The following CEP72 variants were observed in gnomAD, a reference collection of about 807,000 sequenced individuals.
CEP72 encodes centrosomal protein 72.
In CEP72, 78 loss-of-function variants were observed where a neutral mutation model predicts 65.7. The observed-to-expected ratio is 1.19, with a 90% CI of 0.99 to 1.43. The LOEUF is 1.43. Among genes scored for constraint, CEP72 ranks in the 40% most tolerant of loss-of-function variants. The pLI is 0.00. For synonymous variants in CEP72, 358 were observed against 351.7 expected (o/e 1.02, Z -0.20); for missense variants, 914 against 832.9 (o/e 1.10, Z -1.20).
intron 9 of CEP72, chr5:644,047 G>A (rs4082909): frequency 0.06 from 25,853 of 433,034 alleles, 2,053 homozygotes; most frequent in African/African-American, 0.26. Flanking sequence ...CAGGAGTGGG[G>A]CTCTCACAGG....
chr5:669,474 C>T (rs1468714968), downstream of CEP72, among the ~76,000 whole-genome samples: 2 of 152,142 alleles, frequency 1.3e-5, no homozygotes, highest in Admixed American at 6.5e-5. Context: ...GGTGTTGACT[C>T]TCTGGGGCCC....
intron 9 of CEP72, chr5:641,621 G>T (rs1417633724): frequency 2.0e-6 from 2 of 981,118 alleles, no homozygotes; most frequent in Admixed American, 6.3e-5. Context: ...TCATCTGGAA[G>T]CCTCTGTATT....
Position 653,188 on chromosome 5 carries a change from C to T in CEP72, c.*35C>T, listed in dbSNP as rs772846219. On this transcript the variant is annotated 3_prime_UTR_variant, in exon 12 of 12. Coordinates refer to ENST00000264935, the MANE Select transcript of CEP72 (RefSeq NM_018140.4). The stretch of plus-strand genomic sequence containing the variant: ...AGAAGCTGGGCCACCCCTTAAGCTT[C>T]CTGGTAAAGTTACATTGTCTGCACC... 5.2e-6 allele frequency: 8 copies of T among 1,548,126 alleles called. No homozygotes were observed. Among genetic ancestry groups the T allele is most frequent in the East Asian group, 2.3e-5 (1 of 43,974 alleles).
intron 9 of CEP72, chr5:641,029 A>G (rs1191738683): frequency 7.1e-6 from 7 of 985,338 alleles, no homozygotes; most frequent in Non-Finnish European, 8.4e-6. Context: ...TTACCCCAAA[A>G]CCAGCAGCTG....
the CEP72 span, among the ~76,000 whole-genome samples, chr5:672,684 C>T: frequency 1.3e-5 from 2 of 152,212 alleles, no homozygotes; most frequent in Admixed American, 1.3e-4. Flanking sequence ...CTCGAGGAGG[C>T]GCTGGGAGAT....
chr5:649,357 G>GGACTGTGAGGCGT (rs1738745812), intron 11 of CEP72, among the ~76,000 whole-genome samples: 1 of 45,702 alleles, frequency 2.2e-5, no homozygotes, highest in Non-Finnish European at 4.6e-5. Flanking sequence ...TGTGAGGCGT[G>GGACTGTGAGGCGT]GACTGTGAGG....
rs1738340081 is a variant in CEP72 at position 645,291 on chromosome 5, G to A, written c.1666+866G>A. ...CAGCGTCTCCTTGGATCTTTCGCCC[G>A]TTGGTTTTTATTGGGTTGTTTTATC... On this transcript the variant is annotated intron_variant, in intron 10 of 11. Coordinates refer to ENST00000264935, the MANE Select transcript of CEP72 (RefSeq NM_018140.4). This position sits in a 1 kb window ranked among gnomAD's most constrained non-coding sequence, Gnocchi z 4.0. Among the ~76,000 whole-genome samples the A allele has an allele frequency of 2.0e-5, 3 of 152,196 alleles. No individual in the cohort carries two copies. Among genetic ancestry groups the A allele is most frequent in the Middle Eastern group, 3.4e-3 (1 of 294 alleles).
At chr5:637,343 G>C (rs1015964504) in intron 6 of CEP72, among the ~76,000 whole-genome samples, 174 bp from the exon 7 acceptor site, 2 of 152,318 alleles carry the variant, frequency 1.3e-5, no homozygotes. Flanking sequence ...CCTTTGTGCA[G>C]GTGTATGGAT....
the CEP72 span, among the ~76,000 whole-genome samples, chr5:675,197 A>G: frequency 9.8e-5 from 4 of 40,952 alleles, no homozygotes; most frequent in Non-Finnish European, 1.3e-4. Flanking sequence ...CGGTGTGGCC[A>G]GGGGTTCAGT....
At chr5:667,966 G>C (rs60172188), downstream of CEP72, among the ~76,000 whole-genome samples, 7 of 31,530 alleles carry the variant, frequency 2.2e-4, 1 homozygote, top group African/African-American at 1.7e-3. Context: ...AGGGAAGTGC[G>C]GACAAGCACA....
intron 5 of CEP72, among the ~76,000 whole-genome samples, chr5:634,320 G>A (rs147221480): frequency 3.7e-4 from 56 of 152,286 alleles, no homozygotes; most frequent in African/African-American, 1.3e-3. Flanking sequence ...AGCTCAGGCC[G>A]CCACGTGCAG....
At chr5:659,205 G>A (rs1486181222), downstream of CEP72, among the ~76,000 whole-genome samples, 1 of 152,256 alleles carries the variant, frequency 6.6e-6, no homozygotes, top group Non-Finnish European at 1.5e-5. Context: ...CCTGGAGCGC[G>A]AGGCGCGCGT....
Position 620,096 on chromosome 5 carries a change from A to C in CEP72, c.238A>C (p.Ser80Arg). The C allele has an allele frequency of 6.2e-7, 1 of 1,611,730 alleles. No homozygotes were observed. The highest frequency in any genetic ancestry group is 8.5e-7 in the Non-Finnish European group (1 of 1,177,906). The change falls in exon 3 of 12, where the codon AGT becomes CGT. Residue 80 changes from serine to arginine, a missense_variant. Ser to Arg is a moderately radical substitution (Grantham distance 110). Coordinates refer to ENST00000264935, the MANE Select transcript of CEP72 (RefSeq NM_018140.4). ...CATTCAGTACCTGACTGCATTGGAG[A>C]GTCTCAATCTCTACTACAACTGCAT... ...EGIQYLTALE[S>R]LNLYYNCISS...
chr5:664,800 G>C, intron 2 of CEP72: 1 of 349,386 alleles, frequency 2.9e-6, no homozygotes, highest in Non-Finnish European at 5.3e-6. Context: ...ACGCCCCTTT[G>C]ACCTGCAAAC....
At chr5:633,632 A>G in intron 4 of CEP72, 137 bp from the exon 5 acceptor site, 4 of 772,110 alleles carry the variant, frequency 5.2e-6, no homozygotes, top group Non-Finnish European at 6.5e-6. Flanking sequence ...AGTGGAAGCA[A>G]CAGGACCCGG....
chr5:644,334 A>G lies in CEP72; in HGVS notation c.1575A>G (p.Glu525=). The G allele has an allele frequency of 6.2e-7, 1 of 1,613,938 alleles. No individual in the cohort carries two copies. The highest frequency in any genetic ancestry group is 1.3e-5 in the African/African-American group (1 of 75,070). ...GACAACATTTAGATAAATCTTTGGAAGAGAACAGTAGGTTAAAATCGCTTT... is the reference window on the plus strand; with the variant it reads ...GACAACATTTAGATAAATCTTTGGAGGAGAACAGTAGGTTAAAATCGCTTT... The part of the protein sequence containing the change: ...DLRQHLDKSL[E]ENSRLKSLLL... The change falls in exon 10 of 12, where the codon GAA becomes GAG. Residue 525 remains glutamate (E), a synonymous_variant. Transcript: ENST00000264935.
At chr5:628,292 A>G (rs1736884810) in intron 4 of CEP72, among the ~76,000 whole-genome samples, 1 of 152,232 alleles carries the variant, frequency 6.6e-6, no homozygotes, top group Admixed American at 6.5e-5. Context: ...ACGTGGGTCA[A>G]TGTCCATACC....
In CEP72 at chr5:633,652, G is replaced by C. The variant is rs911821403; in HGVS notation, c.513-117G>C. The C allele has an allele frequency of 3.1e-6, 3 of 981,506 alleles. No individual in the cohort carries two copies. In the African/African-American group the frequency reaches 4.8e-5, roughly 16 times the overall value. The allele number at this position is 981,506 out of a possible 1,614,324, so 60.8% of individuals were successfully genotyped here. On this transcript the variant is annotated intron_variant, in intron 4 of 11. Transcript: ENST00000264935. ...AAGCAACAGGACCCGGCTGCCCCACGTTTGCAGCACGCTGCTTCTCTCAGA... is the reference window on the plus strand; with the variant it reads ...AAGCAACAGGACCCGGCTGCCCCACCTTTGCAGCACGCTGCTTCTCTCAGA...
At chr5:666,940 A>T (rs1318268378) in exon 5 of CEP72, 1 of 152,222 alleles carries the variant, frequency 6.6e-6, no homozygotes, top group Non-Finnish European at 1.5e-5. Context: ...TCAGCTCTGC[A>T]AAAGGCACCT....
Sources: allele counts gnomAD v4.1 joint callset (sites outside exome capture counted in the v4.1 genomes callset), GRCh38; gene constraint gnomAD v4.1.1; non-coding constraint Gnocchi (gnomAD v3.1); transcripts MANE v1.5; gene names NCBI Gene and HGNC (gene_info 2026-07-23, HGNC 2026-07-21).